DPYD: variants seen among roughly 807,000 people sequenced by gnomAD.
DPYD encodes dihydropyrimidine dehydrogenase [NADP(+)].
A neutral mutation model predicts 116.2 loss-of-function variants in DPYD; 109 were observed. The ratio of observed to expected loss-of-function variants is 0.94; its 90% CI spans 0.80 to 1.10. The LOEUF is 1.10. Ranked by LOEUF, DPYD falls within the 50% of genes least tolerant of loss-of-function variation. DPYD has a pLI of 0.00. For missense variants in DPYD, 1,302 were observed against 1,254.5 expected (o/e 1.04, Z -0.57); for synonymous variants, 440 against 432.0 (o/e 1.02, Z -0.23).
At position 97,298,230 on chromosome 1, in the gene DPYD, C is replaced by T. The variant is rs1317956669; in HGVS notation, c.2299+7029G>A. ...TGTTCTCAAAGTGTGGTTCCCAGAT[C>T]GGTAGCAAAAGCATCATCTGGAACT... On this transcript the variant is annotated intron_variant, in intron 18 of 22. Transcript: ENST00000370192. 3.3e-5 allele frequency among the ~76,000 whole-genome samples: 5 copies of T among 152,092 alleles called. No homozygotes were observed. The East Asian group carries it at 5.8e-4, about 18-fold the overall frequency.
At chr1:97,331,530 T>A (rs1669007755) in intron 16 of DPYD, among the ~76,000 whole-genome samples, 1 of 152,228 alleles carries the variant, frequency 6.6e-6, no homozygotes, top group East Asian at 1.9e-4. Flanking sequence ...TTTATACGAG[T>A]CCATTCACCA....
At chr1:97,455,818 G>A (rs1676651135) in intron 13 of DPYD, among the ~76,000 whole-genome samples, 1 of 151,714 alleles carries the variant, frequency 6.6e-6, no homozygotes, top group African/African-American at 2.4e-5. Context: ...GGTGCAAAGT[G>A]GGCAAGATAA....
intron 8 of DPYD, among the ~76,000 whole-genome samples, chr1:97,595,826 A>ATAG (rs1654841162): frequency 6.6e-6 from 1 of 151,916 alleles, no homozygotes; most frequent in Non-Finnish European, 1.5e-5. Flanking sequence ...AATCACCTAT[A>ATAG]AGCACTAAAA....
chr1:97,346,836 G>GAGAT (rs1558045290), intron 16 of DPYD, among the ~76,000 whole-genome samples: 1 of 151,848 alleles, frequency 6.6e-6, no homozygotes, highest in Non-Finnish European at 1.5e-5. Flanking sequence ...CCTATCTTAA[G>GAGAT]AGATATAGCT....
intron 16 of DPYD, among the ~76,000 whole-genome samples, chr1:97,358,647 C>T (rs1035474111): frequency 3.3e-5 from 5 of 152,152 alleles, no homozygotes; most frequent in Admixed American, 6.5e-5. Flanking sequence ...GCAGCCTCCG[C>T]TGGTGACACC....
At chr1:97,229,566 AT>A (rs1341472803) in intron 19 of DPYD, among the ~76,000 whole-genome samples, 5 of 130,508 alleles carry the variant, frequency 3.8e-5, no homozygotes, top group African/African-American at 1.1e-4. Context: ...ATATATATAT[AT>A]ATATATATAT....
chr1:97,520,347 T>C (rs1042370850), intron 12 of DPYD, among the ~76,000 whole-genome samples: 5 of 152,190 alleles, frequency 3.3e-5, no homozygotes, highest in African/African-American at 7.2e-5. Flanking sequence ...TCTAAGACTT[T>C]ACTCATGCGT....
rs575330817 is a variant in DPYD, at chr1:97,173,329, T to C, written c.2622+19740A>G. Among the ~76,000 whole-genome samples the C allele has an allele frequency of 2.5e-4, 37 of 146,242 alleles. No homozygotes were observed. The East Asian group carries it at 4.5e-3, about 18-fold the overall frequency. ...ATATATATGCACACATATATACACA[T>C]ATATGTGTATATATGCACACATATA... is the stretch of plus-strand genomic sequence containing the variant. On this transcript the variant is annotated intron_variant, in intron 20 of 22. Transcript: ENST00000370192.
At chr1:97,737,449 G>T (rs1489844115) in intron 4 of DPYD, among the ~76,000 whole-genome samples, 1 of 152,084 alleles carries the variant, frequency 6.6e-6, no homozygotes, top group Non-Finnish European at 1.5e-5. Flanking sequence ...AATAGTGGGA[G>T]AAACCCCAAT....
In DPYD at chr1:97,082,411, C is replaced by G. The variant is rs1462182602; in HGVS notation, c.2826G>C (p.Glu942Asp). 1.1e-5 allele frequency: 18 copies of G among 1,613,524 alleles called. No homozygotes were observed. The highest frequency in any genetic ancestry group is 1.4e-5 in the Non-Finnish European group (17 of 1,179,648). ...LGTFGELSNV[E>D]QVVAMIDEEM... is the part of the protein sequence containing the mutation. ...CTTCATCAATCATAGCCACAACTTGCTCTACGTTGCTCAATTCACCAAATG... is the reference window on the plus strand; with the variant it reads ...CTTCATCAATCATAGCCACAACTTGGTCTACGTTGCTCAATTCACCAAATG... The change falls in exon 22 of 23, where the codon GAG becomes GAC. Residue 942 changes from glutamate (E) to aspartate (D), a missense_variant. Physicochemically the swap from Glu to Asp is conservative, Grantham distance 45. Transcript: ENST00000370192.
intron 16 of DPYD, among the ~76,000 whole-genome samples, chr1:97,342,511 T>C (rs761458625): frequency 3.0e-4 from 45 of 152,196 alleles, no homozygotes; most frequent in Non-Finnish European, 5.7e-4. Flanking sequence ...CGACTTATGT[T>C]CTTAGTGGAA....
At chr1:97,349,851 G>C (rs556722018) in intron 16 of DPYD, among the ~76,000 whole-genome samples, 1 of 151,088 alleles carries the variant, frequency 6.6e-6, no homozygotes, top group Non-Finnish European at 1.5e-5. Context: ...TAATCCTTTG[G>C]GTATATACCC....
intron 1 of DPYD, among the ~76,000 whole-genome samples, chr1:97,906,656 C>T: frequency 6.6e-6 from 1 of 152,106 alleles, no homozygotes; most frequent in Non-Finnish European, 1.5e-5. Flanking sequence ...TCTGAAACTG[C>T]AGATAGTATT....
intron 18 of DPYD, among the ~76,000 whole-genome samples, chr1:97,262,931 T>A (rs1430199973): frequency 1.3e-5 from 2 of 152,076 alleles, no homozygotes; most frequent in African/African-American, 4.8e-5. Context: ...AAATCCCTAA[T>A]TCAAGTATAA....
chr1:97,227,366 G>A (rs139472455), intron 19 of DPYD, among the ~76,000 whole-genome samples: 191 of 126,528 alleles, frequency 1.5e-3, no homozygotes, highest in Middle Eastern at 4.2e-3. Flanking sequence ...AAGAAAGAAA[G>A]AAAAAAGAAA....
chr1:97,366,429 A>T (rs1447236291), intron 16 of DPYD, among the ~76,000 whole-genome samples: 1 of 152,196 alleles, frequency 6.6e-6, no homozygotes, highest in African/African-American at 2.4e-5. Context: ...AGAAGCTTAT[A>T]CCACACAGTC....
chr1:97,222,223 G>C (rs1434701186), intron 19 of DPYD, among the ~76,000 whole-genome samples: 1 of 152,054 alleles, frequency 6.6e-6, no homozygotes, highest in Non-Finnish European at 1.5e-5. Flanking sequence ...AATTCAAATA[G>C]GAACGGACAG....
At chr1:97,608,955 G>A (rs907233572) in intron 8 of DPYD, among the ~76,000 whole-genome samples, 5 of 151,674 alleles carry the variant, frequency 3.3e-5, no homozygotes, top group African/African-American at 9.7e-5. Context: ...ACCAATTCAC[G>A]AATTATACTA....
intron 3 of DPYD, among the ~76,000 whole-genome samples, chr1:97,775,722 G>C (rs972079474): frequency 3.3e-5 from 5 of 152,026 alleles, no homozygotes; most frequent in African/African-American, 1.2e-4. Flanking sequence ...TGTCATCTTT[G>C]TGAGAGCAGG....
Sources: allele counts gnomAD v4.1 joint callset (sites outside exome capture counted in the v4.1 genomes callset), GRCh38; gene constraint gnomAD v4.1.1; transcripts MANE v1.5; gene names NCBI Gene and HGNC (gene_info 2026-07-23, HGNC 2026-07-21).